TXNDC16: variants seen among roughly 807,000 people sequenced by gnomAD.
TXNDC16 encodes thioredoxin domain-containing protein 16.
Under a neutral mutation model 85.6 loss-of-function variants are expected in TXNDC16, and 74 were observed. The observed-to-expected ratio is 0.86, with a 90% CI of 0.72 to 1.05. The LOEUF is 1.05. Ranked by LOEUF, TXNDC16 falls within the 50% of genes least tolerant of loss-of-function variation. The pLI, the probability that TXNDC16 is intolerant of heterozygous loss-of-function variation, is 0.00. For synonymous variants in TXNDC16, 335 were observed against 326.5 expected, an observed-to-expected ratio of 1.03 and a Z score of -0.28; for missense variants, 959 against 947.0, an observed-to-expected ratio of 1.01 and a Z score of -0.17.
At chr14:52,515,162 G>T (rs80295461) in intron 7 of TXNDC16, among the ~76,000 whole-genome samples, 192 bp from the exon 8 acceptor site, 16 of 152,290 alleles carry the variant, frequency 1.1e-4, no homozygotes, top group African/African-American at 3.8e-4. Flanking sequence ...TCTATTCAAG[G>T]TAAGAGAAGA....
Position 52,439,272 on chromosome 14 carries a change from T to C in TXNDC16, c.2126A>G (p.Gln709Arg), listed in dbSNP as rs1458518302. The C allele has an allele frequency of 1.2e-6, 2 of 1,614,110 alleles. No homozygotes were observed. Among genetic ancestry groups the C allele is most frequent in the African/African-American group, 1.3e-5 (1 of 75,054 alleles). Residue 709 changes from glutamine to arginine, a missense_variant, in exon 20 of 21, where the codon CAG becomes CGG. Gln to Arg is a conservative substitution (Grantham distance 43, BLOSUM62 1). Coordinates refer to ENST00000281741, the MANE Select transcript of TXNDC16 (RefSeq NM_020784.3). The part of the protein sequence containing the change: ...GGQVFAFPSD[Q>R]AIIEENLVLW... The stretch of plus-strand genomic sequence containing the variant: ...TACAAGGTTTTCTTCAATTATAGCC[T>C]GGTCTGAAGGAAATGCAAATACTTG...
At chr14:52,439,179 GTAT>G in intron 20 of TXNDC16, 22 bp downstream of exon 20, 2 of 1,600,524 alleles carry the variant, frequency 1.2e-6, no homozygotes, top group Non-Finnish European at 1.7e-6. Flanking sequence ...AGAACTACAT[GTAT>G]TAAACAAAAC....
chr14:52,445,981 A>G (rs902038176), intron 18 of TXNDC16, among the ~76,000 whole-genome samples: 2 of 152,226 alleles, frequency 1.3e-5, no homozygotes, highest in African/African-American at 4.8e-5. Context: ...CTAAAACTGT[A>G]CAAATAGGAG....
At chr14:52,501,094 T>A (rs1446358680) in intron 9 of TXNDC16, among the ~76,000 whole-genome samples, 1 of 152,180 alleles carries the variant, frequency 6.6e-6, no homozygotes, top group Admixed American at 6.5e-5. Context: ...ACTCCATATC[T>A]GGCAGAATCT....
chr14:52,500,386 T>C (rs1238881273), intron 9 of TXNDC16, among the ~76,000 whole-genome samples: 1 of 152,222 alleles, frequency 6.6e-6, no homozygotes, highest in Non-Finnish European at 1.5e-5. Flanking sequence ...TCAGTGTATA[T>C]GTGGTATCTA....
intron 14 of TXNDC16, among the ~76,000 whole-genome samples, chr14:52,481,100 C>T (rs2036141199): frequency 6.6e-6 from 1 of 151,018 alleles, no homozygotes; most frequent in Non-Finnish European, 1.5e-5. Flanking sequence ...AATGAAAAAC[C>T]AACCATCACA....
intron 18 of TXNDC16, among the ~76,000 whole-genome samples, chr14:52,442,465 T>G (rs563369953): frequency 4.8e-4 from 73 of 152,298 alleles, no homozygotes; most frequent in African/African-American, 1.5e-3. Context: ...TTTAATGGTG[T>G]CACCCACCTC....
intron 9 of TXNDC16, among the ~76,000 whole-genome samples, chr14:52,504,366 G>C (rs2036739053): frequency 6.6e-6 from 1 of 152,222 alleles, no homozygotes; most frequent in South Asian, 2.1e-4. Context: ...ACTAACAGCT[G>C]ATCTCTCAGC....
rs1328864368 is a variant in TXNDC16 at position 52,470,644 on chromosome 14, GCA to G, written c.1347_1348del (p.Ala450ArgfsTer4). The stretch of plus-strand genomic sequence containing the variant: ...CTTAGTACATACATCAGACCAATCT[GCA>G]CAGTTTATTCTAGTAAGAAGCATAG... On this transcript the variant is annotated frameshift_variant, in exon 15 of 21. Transcript: ENST00000281741. LOFTEE classifies it high-confidence loss of function. The G allele has an allele frequency of 2.5e-6, 4 of 1,612,166 alleles. No homozygotes were observed. The African/African-American group carries it at 5.3e-5, about 22-fold the overall frequency.
At chr14:52,467,226 G>C (rs1235649176) in intron 16 of TXNDC16, among the ~76,000 whole-genome samples, 2 of 151,694 alleles carry the variant, frequency 1.3e-5, no homozygotes, top group Admixed American at 6.6e-5. Flanking sequence ...AATTAAGTTG[G>C]CACCAACACT....
Position 52,490,828 on chromosome 14 carries a change from G to A in TXNDC16, c.923+11C>T. 3.1e-6 allele frequency: 5 copies of A among 1,600,444 alleles called. No homozygotes were observed. Among genetic ancestry groups the A allele is most frequent in the Non-Finnish European group, 4.2e-6 (5 of 1,176,774 alleles). On this transcript the variant is annotated intron_variant, in intron 10 of 20. Transcript: ENST00000281741. ...TTGCTAAATATAGTAAATATTCGAT[G>A]TTTAAGATACCTTAACAAGAGTAGA...
In TXNDC16 at chr14:52,455,361, A is replaced by G. The variant is rs746700957; in HGVS notation, c.1805T>C (p.Ile602Thr). ...TAGTGCATCTGTTATTATTTGAACT[A>G]TGTCTTGTGCATGTGTGCTAGCTAG... ...IPLASTHAQD[I>T]VQIITDALLE... is the part of the protein sequence containing the mutation. The change falls in exon 18 of 21, where the codon ATA becomes ACA. Residue 602 changes from isoleucine to threonine, a missense_variant. Physicochemically the swap from Ile to Thr is moderately conservative, Grantham distance 89 (BLOSUM62 -1). Transcript: ENST00000281741. 6.8e-6 allele frequency: 11 copies of G among 1,613,806 alleles called. No homozygotes were observed. Among genetic ancestry groups the G allele is most frequent in the Non-Finnish European group, 9.3e-6 (11 of 1,179,886 alleles).
chr14:52,528,555 T>C (rs1389195985), intron 6 of TXNDC16, among the ~76,000 whole-genome samples: 1 of 151,776 alleles, frequency 6.6e-6, no homozygotes, highest in Non-Finnish European at 1.5e-5. Flanking sequence ...AGAAGAATTA[T>C]ATATGATATA....
At chr14:52,507,838 G>A (rs1193721541) in intron 9 of TXNDC16, among the ~76,000 whole-genome samples, 1 of 152,176 alleles carries the variant, frequency 6.6e-6, no homozygotes, top group African/African-American at 2.4e-5. Context: ...TTAATAAATG[G>A]TGCTGGAAAA....
At position 52,439,362 on chromosome 14, in the gene TXNDC16, CT is replaced by C; in HGVS notation, c.2035del (p.Arg679GlyfsTer16). 6.2e-7 allele frequency: 1 copy of C among 1,613,762 alleles called. No homozygotes were observed. On this transcript the variant is annotated frameshift_variant, in exon 20 of 21. Transcript: ENST00000281741. LOFTEE classifies it high-confidence loss of function. ...GGGAGGCAGAGGATCAAAATATGCCCTCAAGATTCCTCTCCCCACTGGAGTA... is the reference window on the plus strand; with the variant it reads ...GGGAGGCAGAGGATCAAAATATGCCCCAAGATTCCTCTCCCCACTGGAGTA... ...KNTPVGRGIL[R>X]AYFDPLPPLP...
At chr14:52,506,634 G>A (rs954516501) in intron 9 of TXNDC16, among the ~76,000 whole-genome samples, 4 of 131,218 alleles carry the variant, frequency 3.0e-5, no homozygotes, top group African/African-American at 1.2e-4. Flanking sequence ...TCGGCTCACT[G>A]CAAGCTCCGC....
chr14:52,524,733 G>A (rs892598524), intron 6 of TXNDC16, among the ~76,000 whole-genome samples: 1 of 152,142 alleles, frequency 6.6e-6, no homozygotes, highest in South Asian at 2.1e-4. Context: ...GGCCTCAAGT[G>A]ATCCTCTTTC....
At position 52,537,680 on chromosome 14, in the gene TXNDC16, A is replaced by G; in HGVS notation, c.244-8T>C. 2.0e-6 allele frequency: 3 copies of G among 1,525,710 alleles called. No individual in the cohort carries two copies. The highest frequency in any genetic ancestry group is 2.2e-5 in the South Asian group (2 of 89,086). The allele number at this position is 1,525,710 out of a possible 1,614,324, so 94.5% of individuals were successfully genotyped here. ...TTCTTTGACACAATTAACCTTTAAA[A>G]GAGTATACTTAAGTTTTAGCATATA... On this transcript the variant is annotated splice_region_variant and splice_polypyrimidine_tract_variant and intron_variant, in intron 4 of 20. Coordinates refer to ENST00000281741, the MANE Select transcript of TXNDC16 (RefSeq NM_020784.3).
At chr14:52,468,594 G>C (rs2035829930) in intron 16 of TXNDC16, among the ~76,000 whole-genome samples, 1 of 152,190 alleles carries the variant, frequency 6.6e-6, no homozygotes, top group African/African-American at 2.4e-5. Flanking sequence ...TAAAAAGTGA[G>C]TGGGCAAGTA....
Sources: allele counts gnomAD v4.1 joint callset (sites outside exome capture counted in the v4.1 genomes callset), GRCh38; gene constraint gnomAD v4.1.1; transcripts MANE v1.5; gene names NCBI Gene and HGNC (gene_info 2026-07-23, HGNC 2026-07-21).